NRG3: variants seen among roughly 807,000 people sequenced by gnomAD.
NRG3 encodes neuregulin 3.
In NRG3, 31 loss-of-function variants were observed where a neutral mutation model predicts 66.9. The observed-to-expected ratio is 0.46, with a 90% CI of 0.35 to 0.63. The LOEUF (loss-of-function observed/expected upper bound fraction) is 0.63. Among genes scored for constraint, NRG3 ranks in the 20% least tolerant of loss-of-function variants. NRG3 has a pLI of 0.00. For missense variants in NRG3, 910 were observed against 878.9 expected, an observed-to-expected ratio of 1.04 and a Z score of -0.45; for synonymous variants, 393 against 359.4, an observed-to-expected ratio of 1.09 and a Z score of -1.06.
chr10:82,377,435 C>CGTGTGT (rs200662785), intron 2 of NRG3, among the ~76,000 whole-genome samples: 1 of 132,222 alleles, frequency 7.6e-6, no homozygotes, highest in Non-Finnish European at 1.7e-5. Flanking sequence ...TGTGTGTGCG[C>CGTGTGT]GTGTGTGTGT....
intron 2 of NRG3, among the ~76,000 whole-genome samples, chr10:82,702,572 G>A (rs919234019): frequency 2.0e-5 from 3 of 152,134 alleles, no homozygotes; most frequent in Non-Finnish European, 2.9e-5. Context: ...TCAGGCTAGG[G>A]GTGAGAAGTT....
At chr10:82,931,649 G>C (rs1017818038) in intron 4 of NRG3, among the ~76,000 whole-genome samples, 1 of 152,138 alleles carries the variant, frequency 6.6e-6, no homozygotes, top group African/African-American at 2.4e-5. Context: ...TGAGGTCCTT[G>C]AGGGCCAAGG....
intron 3 of NRG3, among the ~76,000 whole-genome samples, chr10:82,777,876 G>A (rs1258873412): frequency 6.6e-6 from 1 of 152,310 alleles, no homozygotes; most frequent in East Asian, 1.9e-4. Flanking sequence ...TGGACTCCGG[G>A]GAGTAGGGGG....
intron 3 of NRG3, among the ~76,000 whole-genome samples, chr10:82,815,954 G>A (rs1338008048): frequency 6.6e-6 from 1 of 152,190 alleles, no homozygotes; most frequent in Non-Finnish European, 1.5e-5. Flanking sequence ...TCTGTGTGAA[G>A]CTGTGGCTGG....
chr10:82,427,127 T>C (rs11591379), intron 2 of NRG3, among the ~76,000 whole-genome samples: 30,140 of 152,128 alleles, frequency 0.2, 3,340 homozygotes, highest in East Asian at 0.34. Flanking sequence ...GATAATATCA[T>C]CTTCAAATAG....
At chr10:82,562,827 G>A (rs1176240798) in intron 2 of NRG3, among the ~76,000 whole-genome samples, 1 of 151,520 alleles carries the variant, frequency 6.6e-6, no homozygotes, top group East Asian at 1.9e-4. Flanking sequence ...CACAGAGTGG[G>A]TGGGGAGGGG....
chr10:82,899,853 T>G (rs1166345553), intron 4 of NRG3, among the ~76,000 whole-genome samples: 1 of 152,190 alleles, frequency 6.6e-6, no homozygotes, highest in Non-Finnish European at 1.5e-5. Flanking sequence ...TAGAAGAAAT[T>G]AATGGTTACG....
chr10:82,046,878 T>A (rs1329855858), intron 1 of NRG3, among the ~76,000 whole-genome samples: 6 of 140,482 alleles, frequency 4.3e-5, no homozygotes, highest in African/African-American at 1.3e-4. Context: ...CATTTATCGA[T>A]TTGTGTATAT....
intron 2 of NRG3, among the ~76,000 whole-genome samples, chr10:82,698,943 A>G (rs549294109): frequency 4.9e-4 from 75 of 152,294 alleles, no homozygotes; most frequent in Non-Finnish European, 9.1e-4. Context: ...TTGTTTAAAA[A>G]AGCAAATGTT....
At chr10:82,241,638 G>T (rs1218910536) in intron 1 of NRG3, among the ~76,000 whole-genome samples, 1 of 151,988 alleles carries the variant, frequency 6.6e-6, no homozygotes, top group Non-Finnish European at 1.5e-5. Flanking sequence ...AAAATAATTG[G>T]CCTTTATTTA....
At chr10:82,960,372 G>C (rs571948150) in intron 6 of NRG3, among the ~76,000 whole-genome samples, 1 of 151,892 alleles carries the variant, frequency 6.6e-6, no homozygotes. Flanking sequence ...AACAAAGCCA[G>C]ACACTAGTTA....
rs147913698 is a variant in NRG3, at chr10:81,981,088, T to A, written c.823+104925T>A. Among the ~76,000 whole-genome samples, 11 of 152,280 alleles carry A rather than the reference T, an allele frequency of 7.2e-5. No homozygotes were observed. The East Asian group carries it at 2.1e-3, about 30-fold the overall frequency. On this transcript the variant is annotated intron_variant, in intron 1 of 8. Coordinates refer to ENST00000372141, the MANE Select transcript of NRG3 (RefSeq NM_001010848.4). ...CTCCAAAATCCCTGTCCTTCTCATA[T>A]GCAAAATACATTCACCCTAATCCCA... is the stretch of plus-strand genomic sequence containing the variant.
Position 82,578,847 on chromosome 10 carries a change from G to A in NRG3, c.954-159730G>A, listed in dbSNP as rs966553767. On this transcript the variant is annotated intron_variant, in intron 2 of 8. Coordinates refer to ENST00000372141, the MANE Select transcript of NRG3 (RefSeq NM_001010848.4). ...ACTTGGGAAATCTAAGAAGATTTTC[G>A]AAGGTCAATAAAATAGTAACTCTAT... Among the ~76,000 whole-genome samples, 8 of 151,788 alleles carry A rather than the reference G, an allele frequency of 5.3e-5. No homozygotes were observed. In the South Asian group the frequency reaches 8.3e-4, roughly 16 times the overall value.
At chr10:82,135,083 A>G (rs908302929) in intron 1 of NRG3, among the ~76,000 whole-genome samples, 1 of 151,478 alleles carries the variant, frequency 6.6e-6, no homozygotes, top group African/African-American at 2.4e-5. Context: ...CCGAGATCAC[A>G]CAACTGCACT....
chr10:82,459,209 G>A (rs1644742992), intron 2 of NRG3, among the ~76,000 whole-genome samples: 1 of 152,122 alleles, frequency 6.6e-6, no homozygotes. Context: ...CACCCTGTTT[G>A]GTTCTCACCA....
At chr10:82,532,135 T>C (rs911436776) in intron 2 of NRG3, among the ~76,000 whole-genome samples, 4 of 151,914 alleles carry the variant, frequency 2.6e-5, no homozygotes, top group Admixed American at 2.0e-4. Flanking sequence ...CATTTCTTTG[T>C]ATTAGGAACA....
chr10:82,552,267 A>C (rs904003050), intron 2 of NRG3, among the ~76,000 whole-genome samples: 1 of 152,178 alleles, frequency 6.6e-6, no homozygotes, highest in Non-Finnish European at 1.5e-5. Flanking sequence ...AGGCAGGATA[A>C]AAGCCAGATA....
chr10:81,915,300 G>C (rs887751772), intron 1 of NRG3, among the ~76,000 whole-genome samples: 1 of 152,124 alleles, frequency 6.6e-6, no homozygotes, highest in African/African-American at 2.4e-5. Flanking sequence ...ATTCAGAATT[G>C]AGTATAAAAG....
At chr10:81,895,999 T>C (rs1843493364) in intron 1 of NRG3, among the ~76,000 whole-genome samples, 2 of 152,188 alleles carry the variant, frequency 1.3e-5, no homozygotes, top group Admixed American at 1.3e-4. Flanking sequence ...GATTTAAATT[T>C]GGGAGCTAAA....
Sources: allele counts gnomAD v4.1 joint callset (sites outside exome capture counted in the v4.1 genomes callset), GRCh38; gene constraint gnomAD v4.1.1; transcripts MANE v1.5; gene names NCBI Gene and HGNC (gene_info 2026-07-23, HGNC 2026-07-21).